The following LAP3 variants were observed in gnomAD, a reference collection of about 807,000 sequenced individuals.
LAP3 encodes the protein leucine aminopeptidase 3, also known as cytosol aminopeptidase.
In LAP3, 46 loss-of-function variants were observed where a neutral mutation model predicts 58.8. That is an observed-to-expected ratio of 0.78 (90% CI 0.62 to 1.00). LAP3 has a LOEUF of 1.00. Among genes scored for constraint, LAP3 ranks in the 50% least tolerant of loss-of-function variants. LAP3 has a pLI of 0.00. For missense variants in LAP3, 615 were observed against 659.1 expected (o/e 0.93, Z 0.73); for synonymous variants, 257 against 237.7 (o/e 1.08, Z -0.75).
Position 17,583,492 on chromosome 4 carries a change from G to C in LAP3, c.389G>C (p.Arg130Thr). ...NIRAAVAAGCRQIQDLELSSV... is the reference protein window; with the variant it reads ...NIRAAVAAGCTQIQDLELSSV... ...CCTCTGTCTTTTCAAGCGGGGTGCA[G>C]GCAGATTCAAGACCTGGAGCTCTCG... The change falls in exon 5 of 13, where the codon AGG (arginine) becomes ACG (threonine). Residue 130 changes from arginine (R) to threonine (T), a missense_variant. Transcript: ENST00000226299. The C allele has an allele frequency of 6.2e-7, 1 of 1,613,854 alleles. No homozygotes were observed. The highest frequency in any genetic ancestry group is 8.5e-7 in the Non-Finnish European group (1 of 1,180,046).
At chr4:17,597,450 G>T (rs1713859379) in intron 9 of LAP3, among the ~76,000 whole-genome samples, 1 of 152,152 alleles carries the variant, frequency 6.6e-6, no homozygotes, top group African/African-American at 2.4e-5. Context: ...CTAGCTTTTT[G>T]TAGACACAGG....
At chr4:17,595,330 GCCCAT>G in intron 7 of LAP3, 75 bp from the exon 8 acceptor site, 1 of 1,524,766 alleles carries the variant, frequency 6.6e-7, no homozygotes, top group Non-Finnish European at 9.0e-7. Context: ...GAGCCACCGT[GCCCAT>G]CTGTACTTTT....
In LAP3 at chr4:17,606,957, AT is replaced by A; in HGVS notation, c.1370+20del. 1 of 1,470,154 alleles carries A rather than the reference AT, an allele frequency of 6.8e-7. No homozygotes were observed. Among genetic ancestry groups the A allele is most frequent in the Non-Finnish European group, 9.5e-7 (1 of 1,054,516 alleles). The allele number at this position is 1,470,154 out of a possible 1,614,324, so 91.1% of individuals were successfully genotyped here. A position where few individuals can be genotyped will look rare whatever the true frequency, so the allele number is the denominator to read the frequency against. ...AATACAGGTATGTAAGCTAAGCTAA[AT>A]GTACATTTATACAATCATCCTTGAT... On this transcript the variant is annotated intron_variant, in intron 12 of 12. Coordinates refer to ENST00000226299, the MANE Select transcript of LAP3 (RefSeq NM_015907.3).
At chr4:17,593,376 C>T (rs961360701) in intron 7 of LAP3, among the ~76,000 whole-genome samples, 1 of 151,752 alleles carries the variant, frequency 6.6e-6, no homozygotes, top group Non-Finnish European at 1.5e-5. Context: ...ACTGTCCTTT[C>T]CCCACTAGAC....
chr4:17,595,503 T>C lies in LAP3; in HGVS notation c.957T>C (p.Ala319=). Residue 319 remains alanine, a synonymous_variant, in exon 8 of 13, where the codon GCT becomes GCC. Transcript: ENST00000226299. The part of the protein sequence containing the change: ...AATICSAIVS[A]AKLNLPINII... Reference sequence around the variant, plus strand: ...CTATATGCTCAGCCATCGTGTCTGCTGCAAAGCTTAATTTGCCCATTAATA... The same window carrying C: ...CTATATGCTCAGCCATCGTGTCTGCCGCAAAGCTTAATTTGCCCATTAATA... 1 of 1,614,108 alleles carries C rather than the reference T, an allele frequency of 6.2e-7. No homozygotes were observed. The highest frequency in any genetic ancestry group is 8.5e-7 in the Non-Finnish European group (1 of 1,179,990).
chr4:17,605,864 G>T (rs753328978), intron 11 of LAP3, among the ~76,000 whole-genome samples: 1 of 152,172 alleles, frequency 6.6e-6, no homozygotes, highest in East Asian at 1.9e-4. Context: ...GCAGCCCACA[G>T]TCTGTTTTCC....
rs765906515 is a variant in LAP3, at chr4:17,607,397, C to G, written c.1371-3C>G. On this transcript the variant is annotated splice_polypyrimidine_tract_variant and splice_region_variant and intron_variant, in intron 12 of 12. Coordinates refer to ENST00000226299, the MANE Select transcript of LAP3 (RefSeq NM_015907.3). ...GTAAAGTGCTTTTTGTCTTTCTCTTCAGATCTGCAGGAGCATGTACAGCTG... is the reference window on the plus strand; with the variant it reads ...GTAAAGTGCTTTTTGTCTTTCTCTTGAGATCTGCAGGAGCATGTACAGCTG... 6.2e-7 allele frequency: 1 copy of G among 1,608,132 alleles called. No individual in the cohort carries two copies. The highest frequency in any genetic ancestry group is 8.5e-7 in the Non-Finnish European group (1 of 1,177,928).
chr4:17,577,343 C>T lies in LAP3; in HGVS notation c.-123C>T. The T allele has an allele frequency of 1.5e-6, 1 of 662,566 alleles. No individual in the cohort carries two copies. Among genetic ancestry groups the T allele is most frequent in the Non-Finnish European group, 2.3e-6 (1 of 425,538 alleles). The allele number at this position is 662,566 out of a possible 1,614,324, so 41.0% of individuals were successfully genotyped here. A position where few individuals can be genotyped will look rare whatever the true frequency, so the allele number is the denominator to read the frequency against. On this transcript the variant is annotated 5_prime_UTR_variant, in exon 1 of 13. Coordinates refer to ENST00000226299, the MANE Select transcript of LAP3 (RefSeq NM_015907.3). Reference sequence around the variant, plus strand: ...CGCCCCCTAGACGCACGTCCGCTCGCCCGGCGCCCGAGCCAGTCCGCGCGC... The same window carrying T: ...CGCCCCCTAGACGCACGTCCGCTCGTCCGGCGCCCGAGCCAGTCCGCGCGC...
intron 8 of LAP3, 125 bp downstream of exon 8, chr4:17,595,659 A>G (rs1713811136): frequency 1.8e-6 from 2 of 1,122,692 alleles, no homozygotes; most frequent in South Asian, 1.5e-5. Context: ...ATAGTCATCA[A>G]GCAGTAGCTA....
chr4:17,580,185 T>TATATATATATATATATATATATATA, intron 2 of LAP3, among the ~76,000 whole-genome samples: 7 of 32,014 alleles, frequency 2.2e-4, no homozygotes, highest in Non-Finnish European at 2.7e-4. Context: ...TATATATGTA[T>TATATATATATATATATATATATATA]TTTTTTTTTT....
intron 8 of LAP3, among the ~76,000 whole-genome samples, chr4:17,596,719 C>A (rs1346506910): frequency 6.6e-6 from 1 of 152,224 alleles, no homozygotes; most frequent in East Asian, 1.9e-4. Flanking sequence ...TGATTCTAGA[C>A]CCTATTCCTG....
intron 11 of LAP3, among the ~76,000 whole-genome samples, chr4:17,606,296 T>A (rs1382151559): frequency 6.6e-6 from 1 of 152,214 alleles, no homozygotes; most frequent in African/African-American, 2.4e-5. Flanking sequence ...CCCTACAGAT[T>A]TGTGAAATTG....
intron 1 of LAP3, 25 bp downstream of exon 1, chr4:17,577,592 G>A (rs750222176): frequency 6.6e-7 from 1 of 1,510,476 alleles, no homozygotes. Flanking sequence ...CTCGCTCATG[G>A]TCCGCCGCTG....
chr4:17,582,494 C>T (rs926025606), intron 4 of LAP3, 101 bp downstream of exon 4: 5 of 799,534 alleles, frequency 6.3e-6, no homozygotes, highest in Admixed American at 2.4e-5. Flanking sequence ...CCCCTTACCA[C>T]GTTCACACAG....
chr4:17,606,848 A>G lies in LAP3; in HGVS notation c.1280A>G (p.Asp427Gly). ...KLFEASIETGDRVWRMPLFEH... is the reference protein window; with the variant it reads ...KLFEASIETGGRVWRMPLFEH... ...CTCTAGGCCAGCATTGAAACAGGGG[A>G]CCGTGTCTGGAGGATGCCTCTCTTC... Residue 427 changes from aspartate (D) to glycine (G), a missense_variant, in exon 12 of 13, where the codon GAC becomes GGC. Physicochemically the swap from Asp to Gly is moderately conservative, Grantham distance 94 (BLOSUM62 -1). Coordinates refer to ENST00000226299, the MANE Select transcript of LAP3 (RefSeq NM_015907.3). 2 of 1,611,662 alleles carry G rather than the reference A, an allele frequency of 1.2e-6. No homozygotes were observed. Among genetic ancestry groups the G allele is most frequent in the Non-Finnish European group, 1.7e-6 (2 of 1,179,302 alleles).
intron 6 of LAP3, among the ~76,000 whole-genome samples, chr4:17,588,215 T>C (rs1713580271): frequency 6.6e-6 from 1 of 150,500 alleles, no homozygotes; most frequent in Admixed American, 6.6e-5. Context: ...TTTTTTTTTC[T>C]GTAGAGACCA....
Position 17,577,399 on chromosome 4 carries a change from A to G in LAP3, c.-67A>G. The stretch of plus-strand genomic sequence containing the variant: ...GTCTGCGCCCCGAAAGCCCCGCCCC[A>G]AGGCGCGCCCGCCCACCGCTCTCCA... On this transcript the variant is annotated 5_prime_UTR_variant, in exon 1 of 13. Coordinates refer to ENST00000226299, the MANE Select transcript of LAP3 (RefSeq NM_015907.3). 2 of 1,286,704 alleles carry G rather than the reference A, an allele frequency of 1.6e-6. No individual in the cohort carries two copies. Among genetic ancestry groups the G allele is most frequent in the Non-Finnish European group, 2.1e-6 (2 of 962,264 alleles). The allele number at this position is 1,286,704 out of a possible 1,614,324, so 79.7% of individuals were successfully genotyped here.
Position 17,604,270 on chromosome 4 carries a change from CAAAAAA to C in LAP3, c.1181-301_1181-296del, listed in dbSNP as rs1188734524. Reference sequence around the variant, plus strand: ...CAGCCTGGGTGAGTGAGACCTTTCTCAAAAAAAAAAAAAAAAAAAAAAGGTTTAGAT... The same window carrying C: ...CAGCCTGGGTGAGTGAGACCTTTCTCAAAAAAAAAAAAAAAAGGTTTAGAT... On this transcript the variant is annotated intron_variant, in intron 10 of 12. Coordinates refer to ENST00000226299, the MANE Select transcript of LAP3 (RefSeq NM_015907.3). Among the ~76,000 whole-genome samples, 46 of 51,100 alleles carry C rather than the reference CAAAAAA, an allele frequency of 9.0e-4. 2 individuals carry two copies. In the South Asian group the frequency reaches 0.035, roughly 39 times the overall value. 33.5% of individuals were successfully genotyped at this position (51,100 alleles called of 152,430 possible). A position where few individuals can be genotyped will look rare whatever the true frequency, so the allele number is the denominator to read the frequency against.
rs1283804738 is a variant in LAP3, at chr4:17,582,269, T to G, written c.274-19T>G. 1.3e-6 allele frequency: 2 copies of G among 1,594,284 alleles called. No individual in the cohort carries two copies. The highest frequency in any genetic ancestry group is 1.7e-6 in the Non-Finnish European group (2 of 1,162,800). Reference sequence around the variant, plus strand: ...CTTGAAAGAAATAAAGTGGTTGATTTGGTGTATCTGTGGGACAGGACTTCC... The same window carrying G: ...CTTGAAAGAAATAAAGTGGTTGATTGGGTGTATCTGTGGGACAGGACTTCC... On this transcript the variant is annotated intron_variant, in intron 3 of 12. Coordinates refer to ENST00000226299, the MANE Select transcript of LAP3 (RefSeq NM_015907.3).
Sources: gnomAD v4.1 joint callset for allele counts (sites outside exome capture counted in the v4.1 genomes callset) on GRCh38, gnomAD v4.1.1 for gene constraint, MANE v1.5 for transcripts, NCBI Gene and HGNC (gene_info 2026-07-23, HGNC 2026-07-21) for gene names.